Variants in KCP observed in about 807,000 individuals in gnomAD.
KCP encodes the protein kielin/chordin-like protein.
In KCP, 194 loss-of-function variants were observed where a neutral mutation model predicts 212.7. That is an observed-to-expected ratio of 0.91 (90% CI 0.81 to 1.03). KCP has a LOEUF of 1.03. Among genes scored for constraint, KCP ranks in the 50% least tolerant of loss-of-function variants. The probability of loss-of-function intolerance (pLI) is 0.00; values close to 1 mark genes in which losing one functional copy is unlikely to be tolerated. For missense variants in KCP, 2,080 were observed against 2,162.5 expected, an observed-to-expected ratio of 0.96 and a Z score of 0.76; for synonymous variants, 833 against 865.3, an observed-to-expected ratio of 0.96 and a Z score of 0.65.
In KCP at chr7:128,893,218, C is replaced by T. The variant is rs921744001; in HGVS notation, c.1267+20G>A. 6 of 1,549,630 alleles carry T rather than the reference C, an allele frequency of 3.9e-6. No individual in the cohort carries two copies. Among genetic ancestry groups the T allele is most frequent in the Middle Eastern group, 1.8e-4 (1 of 5,566 alleles). ...AGAGGCAGCGCCCATAGCAGCTGCT[C>T]CTCCCCCTCTCACACACACCTGGGC... is the stretch of plus-strand genomic sequence containing the variant. On this transcript the variant is annotated intron_variant, in intron 13 of 39. Transcript: ENST00000610776.
Position 128,881,659 on chromosome 7 carries a change from T to G in KCP, c.3391A>C (p.Thr1131Pro). Residue 1131 changes from threonine (T) to proline (P), a missense_variant, in exon 31 of 40, where the codon ACT becomes CCT. Thr to Pro is a conservative substitution (Grantham distance 38, BLOSUM62 -1). Coordinates refer to ENST00000610776, the MANE Select transcript of KCP (RefSeq NM_001366122.1). ...ACGGGGCAGCAGCTCCCAGGGGGAG[T>G]GTGGCGCTCTGAGAGGGGACAGCTG... Reference protein sequence around the residue: ...ELSCPLSERHTPPGSCCPVCR... With the variant: ...ELSCPLSERHPPPGSCCPVCR... 2.7e-6 allele frequency: 4 copies of G among 1,505,692 alleles called. No homozygotes were observed. Among genetic ancestry groups the G allele is most frequent in the Admixed American group, 2.8e-5 (1 of 36,220 alleles). 93.3% of individuals were successfully genotyped at this position (1,505,692 alleles called of 1,614,324 possible).
chr7:128,890,201 T>G (rs1230081017), intron 21 of KCP, 142 bp downstream of exon 21: 6 of 1,491,200 alleles, frequency 4.0e-6, no homozygotes, highest in Non-Finnish European at 5.4e-6. Context: ...GTCACAGGCT[T>G]CAGCTAGGGC....
chr7:128,883,753 T>G (rs144072521), intron 29 of KCP, among the ~76,000 whole-genome samples: 176 of 152,338 alleles, frequency 1.2e-3, no homozygotes, highest in African/African-American at 4.1e-3. Context: ...TCAGCACAAC[T>G]GTCGCCCTGC....
intron 8 of KCP, among the ~76,000 whole-genome samples, chr7:128,895,851 T>C (rs1218068326): frequency 6.6e-6 from 1 of 152,328 alleles, no homozygotes; most frequent in East Asian, 1.9e-4. Flanking sequence ...CCACCCCTTG[T>C]TTAGCATATC....
chr7:128,895,827 G>T (rs1252887636), intron 8 of KCP, among the ~76,000 whole-genome samples: 1 of 152,170 alleles, frequency 6.6e-6, no homozygotes, highest in Non-Finnish European at 1.5e-5. Flanking sequence ...CTAGAAGGGG[G>T]CATCATGAAT....
At chr7:128,905,459 C>T (rs1184545883) in intron 5 of KCP, among the ~76,000 whole-genome samples, 3 of 152,180 alleles carry the variant, frequency 2.0e-5, no homozygotes, top group African/African-American at 7.2e-5. Context: ...ATCCTAGTGT[C>T]CCAAGCTCGG....
At chr7:128,902,134 A>G (rs34110914) in intron 8 of KCP, among the ~76,000 whole-genome samples, 4,277 of 152,282 alleles carry the variant, frequency 0.028, 117 homozygotes, top group Admixed American at 0.075. Flanking sequence ...GGCTCAAGTG[A>G]TCCTCCTGCC....
At chr7:128,881,885 A>G in intron 30 of KCP, 52 bp downstream of exon 30, 3 of 1,514,858 alleles carry the variant, frequency 2.0e-6, no homozygotes, top group Non-Finnish European at 2.7e-6. Flanking sequence ...GCCACAGCCC[A>G]CAGAGAAGGA....
At chr7:128,887,843 A>G in intron 22 of KCP, among the ~76,000 whole-genome samples, 1 of 131,198 alleles carries the variant, frequency 7.6e-6, no homozygotes, top group Non-Finnish European at 1.6e-5. Context: ...ACACACACAC[A>G]TACACACATA....
chr7:128,904,345 T>C (rs1795016677), intron 5 of KCP: 3 of 1,551,692 alleles, frequency 1.9e-6, no homozygotes, highest in South Asian at 1.2e-5. Flanking sequence ...AGTTGAGCTC[T>C]GAACACGAGG....
intron 1 of KCP, among the ~76,000 whole-genome samples, chr7:128,909,235 G>A (rs979332697): frequency 6.6e-6 from 1 of 152,196 alleles, no homozygotes; most frequent in Non-Finnish European, 1.5e-5. Flanking sequence ...GGCAGACATA[G>A]GTCCCTCCTC....
intron 26 of KCP, 32 bp from the exon 27 acceptor site, chr7:128,885,302 G>C: frequency 6.6e-7 from 1 of 1,517,868 alleles, no homozygotes; most frequent in Non-Finnish European, 8.9e-7. Flanking sequence ...GACGAGCTCG[G>C]AGGTTGAGAT....
Position 128,881,610 on chromosome 7 carries a change from A to C in KCP, c.3424+16T>G, listed in dbSNP as rs994835089. The C allele has an allele frequency of 4.7e-6, 7 of 1,476,866 alleles. No homozygotes were observed. Among genetic ancestry groups the C allele is most frequent in the Non-Finnish European group, 5.4e-6 (6 of 1,116,338 alleles). 91.5% of individuals were successfully genotyped at this position (1,476,866 alleles called of 1,614,324 possible). A position where few individuals can be genotyped will look rare whatever the true frequency, so the allele number is the denominator to read the frequency against. ...GGGCTCCTCTCTGAGGGTGGAGGCC[A>C]AGGCTGGGCACTTACCCCGGCATAC... On this transcript the variant is annotated intron_variant, in intron 31 of 39. Transcript: ENST00000610776.
Position 128,880,005 on chromosome 7 carries a change from G to T in KCP, c.3840C>A (p.Asp1280Glu). 6.5e-7 allele frequency: 1 copy of T among 1,550,264 alleles called. No homozygotes were observed. Among genetic ancestry groups the T allele is most frequent in the Non-Finnish European group, 8.7e-7 (1 of 1,146,936 alleles). ...GGCCGTCGAAGGTGCGGTAATGGGGGTCTCCGAAGGCCATGCAGGAAGCGG... is the reference window on the plus strand; with the variant it reads ...GGCCGTCGAAGGTGCGGTAATGGGGTTCTCCGAAGGCCATGCAGGAAGCGG... ...PRPASCMAFG[D>E]PHYRTFDGRL... Residue 1280 changes from aspartate to glutamate, a missense_variant, in exon 35 of 40, where the codon GAC (aspartate) becomes GAA (glutamate). Physicochemically the swap from Asp to Glu is conservative, Grantham distance 45. Transcript: ENST00000610776.
At chr7:128,884,732 A>C (rs1322691255) in intron 28 of KCP, 49 bp downstream of exon 28, 2 of 1,514,422 alleles carry the variant, frequency 1.3e-6, no homozygotes, top group East Asian at 2.5e-5. Context: ...CATGCTGCCC[A>C]CTCCCCCCCG....
At position 128,880,479 on chromosome 7, in the gene KCP, C is replaced by T; in HGVS notation, c.3666G>A (p.Glu1222=). The T allele has an allele frequency of 1.3e-6, 2 of 1,540,980 alleles. No homozygotes were observed. The highest frequency in any genetic ancestry group is 2.0e-5 in the Admixed American group (1 of 50,568). ...VHQGREVASG[E]RWTVDTCTSC... ...TGGTGCAGGTGTCCACAGTCCAGCGCTCTCCAGAGGCCACCTCACGGCCCT... is the reference window on the plus strand; with the variant it reads ...TGGTGCAGGTGTCCACAGTCCAGCGTTCTCCAGAGGCCACCTCACGGCCCT... The change falls in exon 34 of 40, where the codon GAG becomes GAA. Residue 1222 remains glutamate, a synonymous_variant. Transcript: ENST00000610776.
At chr7:128,893,074 G>A in intron 13 of KCP, 53 bp from the exon 14 acceptor site, 2 of 900,430 alleles carry the variant, frequency 2.2e-6, no homozygotes, top group South Asian at 2.8e-5. Context: ...ACCCATCCCT[G>A]TCCTTCCCAG....
rs1362891839 is a variant in KCP at position 128,893,400 on chromosome 7, G to A, written c.1176C>T (p.Cys392=). The change falls in exon 12 of 40, where the codon TGC becomes TGT. Residue 392 remains cysteine (C), a synonymous_variant. Transcript: ENST00000610776. ...RLQERGLCVR[C]SCQAGEVSCE... is the part of the protein sequence containing the mutation. ...CGGAGGGACCGCCTACCTGGCAGGAGCAGCGGACACAGAGGCCCCGCTCTT... is the reference window on the plus strand; with the variant it reads ...CGGAGGGACCGCCTACCTGGCAGGAACAGCGGACACAGAGGCCCCGCTCTT... 6 of 1,551,524 alleles carry A rather than the reference G, an allele frequency of 3.9e-6. No homozygotes were observed. Among genetic ancestry groups the A allele is most frequent in the Admixed American group, 2.0e-5 (1 of 50,986 alleles).
chr7:128,879,581 G>T lies in KCP; in HGVS notation c.4087C>A (p.Leu1363Met). 1 of 1,550,520 alleles carries T rather than the reference G, an allele frequency of 6.4e-7. No homozygotes were observed. Among genetic ancestry groups the T allele is most frequent in the Non-Finnish European group, 8.7e-7 (1 of 1,146,976 alleles). The change falls in exon 37 of 40, where the codon CTG (leucine) becomes ATG (methionine). Residue 1363 changes from leucine to methionine, a missense_variant. Transcript: ENST00000610776. The part of the protein sequence containing the change: ...PVALPFLQEP[L>M]LYVELRGHTV... ...TGTCCTCGCAGCTCCACATACAGCA[G>T]CGGCTCCTGCAGGAAGGGCAAGGCC...
Sources: gnomAD v4.1 joint callset for allele counts (sites outside exome capture counted in the v4.1 genomes callset) on GRCh38, gnomAD v4.1.1 for gene constraint, MANE v1.5 for transcripts, NCBI Gene and HGNC (gene_info 2026-07-23, HGNC 2026-07-21) for gene names.